Variants in PIEZO1 observed in about 807,000 individuals in gnomAD.
PIEZO1 encodes piezo-type mechanosensitive ion channel component 1.
A neutral mutation model predicts 297.2 loss-of-function variants in PIEZO1; 296 were observed. The ratio of observed to expected loss-of-function variants is 1.00; its 90% confidence interval spans 0.91 to 1.10. The LOEUF (loss-of-function observed/expected upper bound fraction) is 1.10. Ranked by LOEUF, PIEZO1 falls within the 50% of genes least tolerant of loss-of-function variation. The pLI is 0.00. For missense variants in PIEZO1, 5,018 were observed against 3,455.5 expected (o/e 1.45, Z -11.34); for synonymous variants, 2,427 against 1,507.5 (o/e 1.61, Z -14.13).
chr16:88,719,489 G>A (rs367579783), intron 44 of PIEZO1, 85 bp downstream of exon 44: 17 of 1,331,956 alleles, frequency 1.3e-5, no homozygotes, highest in South Asian at 1.1e-4. Flanking sequence ...CCAGCACCAC[G>A]GGTTCTCGTG....
chr16:88,757,673 G>A (rs947452990), intron 1 of PIEZO1, among the ~76,000 whole-genome samples: 3 of 152,148 alleles, frequency 2.0e-5, no homozygotes, highest in Admixed American at 1.3e-4. Flanking sequence ...TCCATGACCT[G>A]GGGGTTCCTG....
chr16:88,720,334 G>C (rs891387258), intron 41 of PIEZO1, 51 bp from the exon 42 acceptor site: 4 of 1,549,890 alleles, frequency 2.6e-6, no homozygotes, highest in Non-Finnish European at 3.5e-6. Flanking sequence ...GGGGATGTGG[G>C]TGGCTGCTGA....
rs1458709797 is a variant in PIEZO1 at position 88,722,935 on chromosome 16, C to G, written c.4570G>C (p.Glu1524Gln). 1.9e-6 allele frequency: 3 copies of G among 1,549,324 alleles called. No homozygotes were observed. The highest frequency in any genetic ancestry group is 2.6e-6 in the Non-Finnish European group (3 of 1,146,736). The change falls in exon 34 of 51, where the codon GAG becomes CAG. Residue 1524 changes from glutamate to glutamine, a missense_variant. Glu to Gln is a conservative substitution (Grantham distance 29). Transcript: ENST00000301015. ...AACTCCTGCAGCCAGCGTGTCAGCTCATCCACTAGCGCCTGCCCCAGCATC... is the reference window on the plus strand; with the variant it reads ...AACTCCTGCAGCCAGCGTGTCAGCTGATCCACTAGCGCCTGCCCCAGCATC... ...LWMLGQALVDELTRWLQEFTR... is the reference protein window; with the variant it reads ...LWMLGQALVDQLTRWLQEFTR...
At chr16:88,729,562 C>T (rs949066856) in intron 22 of PIEZO1, among the ~76,000 whole-genome samples, 3 of 132,680 alleles carry the variant, frequency 2.3e-5, no homozygotes, top group Non-Finnish European at 4.8e-5. Context: ...ACAGAGGGAA[C>T]CTCGTGACCC....
In PIEZO1 at chr16:88,717,071, G is replaced by C; in HGVS notation, c.6612C>G (p.Val2204=). 1 of 1,551,012 alleles carries C rather than the reference G, an allele frequency of 6.4e-7. No individual in the cohort carries two copies. The highest frequency in any genetic ancestry group is 8.7e-7 in the Non-Finnish European group (1 of 1,147,072). Residue 2204 remains valine (V), a synonymous_variant, in exon 45 of 51, where the codon GTC becomes GTG. Coordinates refer to ENST00000301015, the MANE Select transcript of PIEZO1 (RefSeq NM_001142864.4). ...TGACGGTGACATCGATGGGCTGGTT[G>C]ACAACCCCAACCACGGAGCGCACCA... The part of the protein sequence containing the change: ...MSLVRSVVGV[V]NQPIDVTVTL...
In PIEZO1 at chr16:88,727,084, G is replaced by T; in HGVS notation, c.3410C>A (p.Pro1137Gln). The T allele has an allele frequency of 6.5e-7, 1 of 1,549,734 alleles. No homozygotes were observed. Among genetic ancestry groups the T allele is most frequent in the Non-Finnish European group, 8.7e-7 (1 of 1,146,504 alleles). Residue 1137 changes from proline to glutamine, a missense_variant, in exon 24 of 51, where the codon CCG (proline) becomes CAG (glutamine). Transcript: ENST00000301015. ...CACGGGGTTGGGCTCCCCCCGCAGC[G>T]GCTCCAGGCGGTCGGTGTTGACGCC... Reference protein sequence around the residue: ...MAGVNTDRLEPLRGEPNPVPN... With the variant: ...MAGVNTDRLEQLRGEPNPVPN...
At chr16:88,775,810 C>T (rs1386424446) in intron 1 of PIEZO1, among the ~76,000 whole-genome samples, 1 of 151,784 alleles carries the variant, frequency 6.6e-6, no homozygotes, top group African/African-American at 2.4e-5. Flanking sequence ...AGAGTATGTG[C>T]AGGAGGCTGG....
intron 4 of PIEZO1, 103 bp downstream of exon 4, chr16:88,741,950 G>A: frequency 1.5e-6 from 2 of 1,292,104 alleles, no homozygotes; most frequent in Non-Finnish European, 2.1e-6. Flanking sequence ...GAGTGTGGAT[G>A]AGTCTCCAGG....
intron 1 of PIEZO1, among the ~76,000 whole-genome samples, chr16:88,778,443 G>A (rs1414773133): frequency 1.3e-5 from 2 of 152,224 alleles, no homozygotes; most frequent in Non-Finnish European, 1.5e-5. Flanking sequence ...CTGCCGGCCC[G>A]TCAGAGGGAG....
chr16:88,732,328 G>C lies in PIEZO1; in HGVS notation c.2991+7C>G. On this transcript the variant is annotated splice_region_variant and intron_variant, in intron 21 of 50. Transcript: ENST00000301015. ...TGCCCCAGGGGGAGGCAATGTCCTT[G>C]CCTCACCTCCAGCCCGAATTTGTAG... is the stretch of plus-strand genomic sequence containing the variant. 2 of 1,547,604 alleles carry C rather than the reference G, an allele frequency of 1.3e-6. No individual in the cohort carries two copies. The highest frequency in any genetic ancestry group is 1.4e-5 in the African/African-American group (1 of 73,060).
At chr16:88,757,945 G>A (rs1048258446) in intron 1 of PIEZO1, among the ~76,000 whole-genome samples, 1 of 152,198 alleles carries the variant, frequency 6.6e-6, no homozygotes, top group African/African-American at 2.4e-5. Context: ...AGCCTCAGAA[G>A]GTGCCACAGA....
At chr16:88,767,303 G>A (rs1401946964) in intron 1 of PIEZO1, among the ~76,000 whole-genome samples, 2 of 152,166 alleles carry the variant, frequency 1.3e-5, no homozygotes, top group Non-Finnish European at 2.9e-5. Flanking sequence ...GAGACCCCTG[G>A]GCCAGGTCCT....
At position 88,725,578 on chromosome 16, in the gene PIEZO1, G is replaced by C. The variant is rs1443672007; in HGVS notation, c.4058+17C>G. The C allele has an allele frequency of 6.5e-7, 1 of 1,529,646 alleles. No individual in the cohort carries two copies. The highest frequency in any genetic ancestry group is 8.9e-7 in the Non-Finnish European group (1 of 1,128,288). The allele number at this position is 1,529,646 out of a possible 1,614,324, so 94.8% of individuals were successfully genotyped here. ...TGGGGGGAGGAGCCGGGGAGTCCCC[G>C]CCCCAGAGGCACCTACTGTCTTTTC... is the stretch of plus-strand genomic sequence containing the variant. On this transcript the variant is annotated intron_variant, in intron 28 of 50. Transcript: ENST00000301015.
Position 88,725,094 on chromosome 16 carries a change from G to C in PIEZO1, c.4163-14C>G, listed in dbSNP as rs372180962. 6.6e-6 allele frequency: 10 copies of C among 1,503,868 alleles called. No individual in the cohort carries two copies. The highest frequency in any genetic ancestry group is 8.9e-6 in the Non-Finnish European group (10 of 1,128,344). The allele number at this position is 1,503,868 out of a possible 1,614,324, so 93.2% of individuals were successfully genotyped here. ...GACTGTCGGGCCCTGTGGAGGGGCA[G>C]GGTGAGCATGAGGCAGCAGTCAAGC... On this transcript the variant is annotated splice_polypyrimidine_tract_variant and intron_variant, in intron 29 of 50. Coordinates refer to ENST00000301015, the MANE Select transcript of PIEZO1 (RefSeq NM_001142864.4).
At position 88,721,365 on chromosome 16, in the gene PIEZO1, CTCCTCGCCGCTCT is replaced by C; in HGVS notation, c.5456_5468del (p.Lys1819ArgfsTer98). Reference sequence around the variant, plus strand: ...CTGGCCCCTCCTCGGCTCCCTGCTCCTCCTCGCCGCTCTTGTCATGCTCCTTGGATGGTGAGTC... The same window carrying C: ...CTGGCCCCTCCTCGGCTCCCTGCTCCTGTCATGCTCCTTGGATGGTGAGTC... On this transcript the variant is annotated frameshift_variant, in exon 39 of 51. Transcript: ENST00000301015. LOFTEE classifies it high-confidence loss of function. The C allele has an allele frequency of 6.5e-7, 1 of 1,549,504 alleles. No individual in the cohort carries two copies. Among genetic ancestry groups the C allele is most frequent in the Non-Finnish European group, 8.7e-7 (1 of 1,146,916 alleles).
Position 88,737,939 on chromosome 16 carries a change from C to G in PIEZO1, c.1015G>C (p.Gly339Arg), listed in dbSNP as rs374212543. The change falls in exon 8 of 51, where the codon GGC becomes CGC. Residue 339 changes from glycine to arginine, a missense_variant. Gly to Arg is a moderately radical substitution (Grantham distance 125, BLOSUM62 -2). Transcript: ENST00000301015. ...CATGGGTGGCAGGTGCTCACCTGGC[C>G]GGAGGGGCGGTACGCGCGGAGCTTG... ...LRKLRAYRPS[G>R]QRKEAAKGYE... 1 of 1,529,754 alleles carries G rather than the reference C, an allele frequency of 6.5e-7. No homozygotes were observed. Among genetic ancestry groups the G allele is most frequent in the Non-Finnish European group, 8.8e-7 (1 of 1,142,830 alleles). 94.8% of individuals were successfully genotyped at this position (1,529,754 alleles called of 1,614,324 possible).
intron 21 of PIEZO1, among the ~76,000 whole-genome samples, chr16:88,732,122 A>T (rs559984234): frequency 6.6e-6 from 1 of 152,024 alleles, no homozygotes; most frequent in South Asian, 2.1e-4. Flanking sequence ...GGTGGGCTGT[A>T]CAGTAGAGCA....
intron 16 of PIEZO1, 45 bp downstream of exon 16, chr16:88,734,311 G>C: frequency 6.9e-7 from 1 of 1,446,878 alleles, no homozygotes; most frequent in Non-Finnish European, 9.1e-7. Context: ...CCTGGCCCAG[G>C]AGGCTACACC....
chr16:88,769,176 A>G (rs965078850), intron 1 of PIEZO1, among the ~76,000 whole-genome samples: 1 of 152,188 alleles, frequency 6.6e-6, no homozygotes, highest in Non-Finnish European at 1.5e-5. Flanking sequence ...TTCTACTCAC[A>G]TTTCAATATA....
Sources: allele counts gnomAD v4.1 joint callset (sites outside exome capture counted in the v4.1 genomes callset), GRCh38; gene constraint gnomAD v4.1.1; transcripts MANE v1.5; gene names NCBI Gene and HGNC (gene_info 2026-07-23, HGNC 2026-07-21).